Variants in HS3ST5 observed in about 807,000 individuals in gnomAD.
HS3ST5 encodes the protein heparan sulfate-glucosamine 3-sulfotransferase 5.
Under a neutral mutation model 25.4 loss-of-function variants are expected in HS3ST5, and 10 were observed. The ratio of observed to expected loss-of-function variants is 0.39; its 90% CI spans 0.24 to 0.67. The LOEUF is 0.67. HS3ST5 is among the 30% of genes least tolerant of loss of function. The pLI is 0.44. For synonymous variants in HS3ST5, 170 were observed against 162.4 expected (o/e 1.05, Z -0.36); for missense variants, 324 against 420.7 (o/e 0.77, Z 2.01).
chr6:114,245,674 T>C (rs966627295), intron 1 of HS3ST5, among the ~76,000 whole-genome samples: 2 of 152,198 alleles, frequency 1.3e-5, no homozygotes, highest in Non-Finnish European at 2.9e-5. Context: ...GAAAGCCTGA[T>C]AGATTGCTCT....
chr6:114,197,634 C>G lies in HS3ST5; in HGVS notation c.-144-29172G>C, dbSNP rs112487976. 9.9e-3 allele frequency among the ~76,000 whole-genome samples: 1,505 copies of G among 152,172 alleles called. 20 individuals are homozygous for G. Among genetic ancestry groups the G allele is most frequent in the Middle Eastern group, 0.031 (9 of 294 alleles). On this transcript the variant is annotated intron_variant, in intron 2 of 4. Transcript: ENST00000312719. ...GTTTTTCAGCCTTTGCCCACTCCCT[C>G]CCTCCCTCCTTTTGGAGTCCTCAGC...
chr6:114,321,596 T>C (rs910000220), intron 1 of HS3ST5, among the ~76,000 whole-genome samples: 6 of 152,150 alleles, frequency 3.9e-5, no homozygotes, highest in African/African-American at 1.4e-4. Flanking sequence ...ATAAAGATCT[T>C]TTAAAATACA....
intron 1 of HS3ST5, among the ~76,000 whole-genome samples, chr6:114,302,691 C>G (rs1420124048): frequency 6.6e-6 from 1 of 152,176 alleles, no homozygotes; most frequent in East Asian, 1.9e-4. Flanking sequence ...GACTGTCTTT[C>G]TACTCTCCTT....
chr6:114,306,273 A>ACG (rs2114826757), intron 1 of HS3ST5, among the ~76,000 whole-genome samples: 1 of 146,904 alleles, frequency 6.8e-6, no homozygotes, highest in East Asian at 2.0e-4. Context: ...ACACACACAC[A>ACG]CACACATATA....
At chr6:114,313,839 G>C (rs1253567889) in intron 1 of HS3ST5, among the ~76,000 whole-genome samples, 1 of 152,118 alleles carries the variant, frequency 6.6e-6, no homozygotes, top group East Asian at 1.9e-4. Context: ...CAGATGCTTG[G>C]ATATGAGAAT....
At chr6:114,224,181 G>C (rs1193899292) in intron 2 of HS3ST5, among the ~76,000 whole-genome samples, 3 of 151,382 alleles carry the variant, frequency 2.0e-5, no homozygotes, top group Admixed American at 2.0e-4. Flanking sequence ...TTTTGAATTA[G>C]CTTCTATTGG....
At chr6:114,312,312 T>C (rs1024796724) in intron 1 of HS3ST5, among the ~76,000 whole-genome samples, 5 of 152,084 alleles carry the variant, frequency 3.3e-5, no homozygotes, top group Non-Finnish European at 7.4e-5. Context: ...AACAACTGGA[T>C]ATACAAATGG....
intron 3 of HS3ST5, among the ~76,000 whole-genome samples, chr6:114,161,553 A>ATAAATATATATAAAATT (rs1562220926): frequency 2.0e-5 from 2 of 101,298 alleles, no homozygotes; most frequent in African/African-American, 7.1e-5. Flanking sequence ...ATATATATAT[A>ATAAATATATATAAAATT]TATATATATA....
At chr6:114,254,552 G>A (rs1179053698) in intron 1 of HS3ST5, among the ~76,000 whole-genome samples, 1 of 152,192 alleles carries the variant, frequency 6.6e-6, no homozygotes, top group Non-Finnish European at 1.5e-5. Flanking sequence ...AGTTGTATTA[G>A]TCCTTTTTCA....
chr6:114,267,708 CT>C (rs1166704805), intron 1 of HS3ST5, among the ~76,000 whole-genome samples: 1 of 152,156 alleles, frequency 6.6e-6, no homozygotes, highest in Non-Finnish European at 1.5e-5. Context: ...TGCAGTTGGT[CT>C]TTAGAATTCC....
intron 3 of HS3ST5, among the ~76,000 whole-genome samples, chr6:114,088,238 A>G (rs56403749): frequency 0.15 from 22,305 of 152,054 alleles, 1,768 homozygotes; most frequent in Non-Finnish European, 0.18. Flanking sequence ...CAGCACCTGA[A>G]TTTTGTGCTG....
intron 4 of HS3ST5, 66 bp downstream of exon 4, chr6:114,062,673 G>T: frequency 1.0e-6 from 1 of 1,000,418 alleles, no homozygotes. Context: ...TTAAAATTAT[G>T]TCCTAAGGAA....
chr6:114,241,540 C>T (rs1168447963), intron 1 of HS3ST5, among the ~76,000 whole-genome samples: 1 of 152,108 alleles, frequency 6.6e-6, no homozygotes, highest in African/African-American at 2.4e-5. Context: ...ATGTTGGGCT[C>T]TTATCAGGCA....
intron 1 of HS3ST5, among the ~76,000 whole-genome samples, chr6:114,242,782 A>G (rs543924781): frequency 2.7e-5 from 4 of 150,752 alleles, no homozygotes; most frequent in Admixed American, 6.6e-5. Flanking sequence ...GAACCCGGGA[A>G]GCGGAGCTTG....
intron 2 of HS3ST5, among the ~76,000 whole-genome samples, chr6:114,171,685 G>A (rs2115004424): frequency 6.6e-6 from 1 of 152,294 alleles, no homozygotes; most frequent in Admixed American, 6.5e-5. Context: ...TAATTCGTAA[G>A]TTACGGAGGC....
At chr6:114,280,187 G>T (rs1774044321) in intron 1 of HS3ST5, among the ~76,000 whole-genome samples, 1 of 151,962 alleles carries the variant, frequency 6.6e-6, no homozygotes, top group Admixed American at 6.6e-5. Context: ...ATTCCAGGCA[G>T]AGGGAAAGAA....
chr6:114,145,877 G>T (rs192970641), intron 3 of HS3ST5, among the ~76,000 whole-genome samples: 13 of 152,284 alleles, frequency 8.5e-5, no homozygotes, highest in Admixed American at 5.2e-4. Context: ...TGAATTTAAA[G>T]AATTTGTGGT....
intron 1 of HS3ST5, among the ~76,000 whole-genome samples, chr6:114,317,683 C>T (rs1473119373): frequency 6.6e-6 from 1 of 151,652 alleles, no homozygotes; most frequent in African/African-American, 2.4e-5. Flanking sequence ...GGTGCCTGCC[C>T]TCGTCATGCT....
At chr6:114,287,397 T>G (rs923217246) in intron 1 of HS3ST5, among the ~76,000 whole-genome samples, 3 of 151,952 alleles carry the variant, frequency 2.0e-5, no homozygotes, top group Admixed American at 2.0e-4. Flanking sequence ...AAAACTGGGA[T>G]TTAAAACTGG....
Sources: allele counts gnomAD v4.1 joint callset (sites outside exome capture counted in the v4.1 genomes callset), GRCh38; gene constraint gnomAD v4.1.1; transcripts MANE v1.5; gene names NCBI Gene and HGNC (gene_info 2026-07-23, HGNC 2026-07-21).